CACNA2D1: variants seen among roughly 807,000 people sequenced by gnomAD.
The protein encoded by CACNA2D1 is voltage-dependent calcium channel subunit alpha-2/delta-1.
Under a neutral mutation model 171.5 loss-of-function variants are expected in CACNA2D1, and 53 were observed. The ratio of observed to expected loss-of-function variants is 0.31; its 90% CI spans 0.25 to 0.39. The LOEUF (loss-of-function observed/expected upper bound fraction) is 0.39, where lower values mean the gene tolerates loss of function less well. CACNA2D1 is among the 10% of genes least tolerant of loss of function. The pLI is 1.00. For missense variants in CACNA2D1, 903 were observed against 1,299.8 expected (o/e 0.69, Z 4.69); for synonymous variants, 442 against 443.1 (o/e 1.00, Z 0.03).
In CACNA2D1 at chr7:82,277,745, C is replaced by CTTTTT. The variant is rs1186719410; in HGVS notation, c.294+57389_294+57390insAAAAA. Among the ~76,000 whole-genome samples, 788 of 141,972 alleles carry CTTTTT rather than the reference C, an allele frequency of 5.6e-3. 37 individuals carry two copies. Among genetic ancestry groups the CTTTTT allele is most frequent in the Middle Eastern group, 0.011 (3 of 272 alleles). 93.1% of individuals were successfully genotyped at this position (141,972 alleles called of 152,430 possible). ...GCATATTTGATTTTTTAATTTTTTACTTTTATTTTTTTTTTTTTGAGATGG... is the reference window on the plus strand; with the variant it reads ...GCATATTTGATTTTTTAATTTTTTACTTTTTTTTTATTTTTTTTTTTTTGAGATGG... On this transcript the variant is annotated intron_variant, in intron 3 of 38. Coordinates refer to ENST00000356860, the MANE Select transcript of CACNA2D1 (RefSeq NM_000722.4).
intron 21 of CACNA2D1, 117 bp downstream of exon 21, chr7:81,991,068 T>C (rs1486974243): frequency 3.1e-6 from 2 of 643,572 alleles, no homozygotes; most frequent in Admixed American, 2.2e-5. Context: ...ATAAGTTTAG[T>C]ATGTTTTCAT....
intron 3 of CACNA2D1, among the ~76,000 whole-genome samples, chr7:82,296,115 G>C (rs1812251213): frequency 6.6e-6 from 1 of 151,010 alleles, no homozygotes; most frequent in Non-Finnish European, 1.5e-5. Flanking sequence ...GTTGCGGGGT[G>C]GGGGAAGGGG....
chr7:82,198,288 G>C (rs759711548), intron 3 of CACNA2D1, among the ~76,000 whole-genome samples: 37 of 152,074 alleles, frequency 2.4e-4, no homozygotes, highest in South Asian at 8.3e-4. Flanking sequence ...AGTTACTGGA[G>C]CACAAAGTAC....
rs35616922 is a variant in CACNA2D1 at position 81,980,172 on chromosome 7, C to CAAAAAAAAAA, written c.1955+2385_1955+2394dup. ...AAAAGAAGGTAAAACTAAAACCAAGCAAAAAAAAAAAAAAAAAAAAAAAAA... is the reference window on the plus strand; with the variant it reads ...AAAAGAAGGTAAAACTAAAACCAAGCAAAAAAAAAAAAAAAAAAAAAAAAAAAAAAAAAAA... On this transcript the variant is annotated intron_variant, in intron 24 of 38. Coordinates refer to ENST00000356860, the MANE Select transcript of CACNA2D1 (RefSeq NM_000722.4). 1.4e-3 allele frequency among the ~76,000 whole-genome samples: 36 copies of CAAAAAAAAAA among 25,266 alleles called. 1 individual carries two copies. Among genetic ancestry groups the CAAAAAAAAAA allele is most frequent in the African/African-American group, 2.2e-3 (14 of 6,462 alleles). The allele number at this position is 25,266 out of a possible 152,430, so 16.6% of individuals were successfully genotyped here. A position where few individuals can be genotyped will look rare whatever the true frequency, so the allele number is the denominator to read the frequency against.
intron 3 of CACNA2D1, among the ~76,000 whole-genome samples, chr7:82,217,886 T>C (rs1266645440): frequency 2.0e-5 from 3 of 148,922 alleles, no homozygotes; most frequent in Non-Finnish European, 4.4e-5. Context: ...TGGGAGGCAC[T>C]ATGTAGGGCT....
chr7:82,273,241 T>C (rs931312244), intron 3 of CACNA2D1, among the ~76,000 whole-genome samples: 16 of 151,900 alleles, frequency 1.1e-4, no homozygotes, highest in African/African-American at 3.9e-4. Context: ...AGTTTTTAAA[T>C]AATAATAATA....
At chr7:82,060,561 T>A in intron 9 of CACNA2D1, 34 bp from the exon 10 acceptor site, 1 of 1,189,332 alleles carries the variant, frequency 8.4e-7, no homozygotes, top group Non-Finnish European at 1.3e-6. Flanking sequence ...TACATGTTAC[T>A]CATCATGTAT....
intron 10 of CACNA2D1, chr7:82,050,514 T>C: frequency 2.9e-6 from 2 of 698,316 alleles, no homozygotes; most frequent in South Asian, 3.0e-5. Context: ...AAGTCCCTGA[T>C]CTTATACAGG....
rs1245415473 is a variant in CACNA2D1, at chr7:82,060,204, TATATATA to T, written c.879+217_879+223del. Among the ~76,000 whole-genome samples, 8 of 31,426 alleles carry T rather than the reference TATATATA, an allele frequency of 2.5e-4. 2 individuals carry two copies. Among genetic ancestry groups the T allele is most frequent in the South Asian group, 3.0e-3 (2 of 660 alleles). The allele number at this position is 31,426 out of a possible 152,430, so 20.6% of individuals were successfully genotyped here. A position where few individuals can be genotyped will look rare whatever the true frequency, so the allele number is the denominator to read the frequency against. ...ATATATATATATTATATATATATTA[TATATATA>T]ATATATATATAATATATATATATAA... On this transcript the variant is annotated intron_variant, in intron 10 of 38. Transcript: ENST00000356860.
chr7:81,947,945 CATATAA>C lies in CACNA2D1; in HGVS notation c.*2441_*2446del, dbSNP rs1453990169. 1 of 151,694 alleles carries C rather than the reference CATATAA, an allele frequency of 6.6e-6. No homozygotes were observed. The highest frequency in any genetic ancestry group is 1.5e-5 in the Non-Finnish European group (1 of 67,804). 9.4% of individuals were successfully genotyped at this position (151,694 alleles called of 1,614,324 possible). A position where few individuals can be genotyped will look rare whatever the true frequency, so the allele number is the denominator to read the frequency against. On this transcript the variant is annotated 3_prime_UTR_variant, in exon 39 of 39. Coordinates refer to ENST00000356860, the MANE Select transcript of CACNA2D1 (RefSeq NM_000722.4). The stretch of plus-strand genomic sequence containing the variant: ...ATAAAGGTTTATAGCAAAACTCATG[CATATAA>C]ATATATTTTGATGGCAACAGAAATT...
At chr7:82,271,171 T>C (rs573798048) in intron 3 of CACNA2D1, among the ~76,000 whole-genome samples, 1 of 152,206 alleles carries the variant, frequency 6.6e-6, no homozygotes, top group South Asian at 2.1e-4. Context: ...TCTAATTCCA[T>C]TTGCTGTTCG....
intron 6 of CACNA2D1, among the ~76,000 whole-genome samples, chr7:82,106,535 A>G (rs918255696): frequency 6.7e-6 from 1 of 148,516 alleles, no homozygotes; most frequent in East Asian, 1.9e-4. Flanking sequence ...TTTTTTTTTT[A>G]AACAGTAAAT....
chr7:82,037,724 G>A (rs974226162), intron 11 of CACNA2D1, among the ~76,000 whole-genome samples: 4 of 152,154 alleles, frequency 2.6e-5, no homozygotes, highest in African/African-American at 9.7e-5. Context: ...GATTGAAAGT[G>A]CAAGGTTACA....
intron 3 of CACNA2D1, among the ~76,000 whole-genome samples, chr7:82,302,312 G>A (rs1813113960): frequency 6.6e-6 from 1 of 151,976 alleles, no homozygotes; most frequent in Non-Finnish European, 1.5e-5. Flanking sequence ...GAGAGAACAA[G>A]TACATCCAAA....
Position 82,170,585 on chromosome 7 carries a change from C to A in CACNA2D1, c.319G>T (p.Val107Phe), listed in dbSNP as rs749556869. The A allele has an allele frequency of 6.2e-7, 1 of 1,612,594 alleles. No homozygotes were observed. Among genetic ancestry groups the A allele is most frequent in the African/African-American group, 1.3e-5 (1 of 74,934 alleles). Reference sequence around the variant, plus strand: ...TCTCTCCACTGGTGAGCTGCTTGAACTTTCTCCGCTTCCAATGCCAGGCGC... The same window carrying A: ...TCTCTCCACTGGTGAGCTGCTTGAAATTTCTCCGCTTCCAATGCCAGGCGC... ...LVRLALEAEK[V>F]QAAHQWREDF... Residue 107 changes from valine to phenylalanine, a missense_variant, in exon 4 of 39, where the codon GTT (valine) becomes TTT (phenylalanine). By Grantham distance (50) the Val-to-Phe change is conservative. Coordinates refer to ENST00000356860, the MANE Select transcript of CACNA2D1 (RefSeq NM_000722.4).
chr7:82,124,071 A>G (rs1584832220), intron 5 of CACNA2D1, among the ~76,000 whole-genome samples: 1 of 152,300 alleles, frequency 6.6e-6, no homozygotes, highest in Non-Finnish European at 1.5e-5. Context: ...AGCAATTAAT[A>G]TTCTACCTGT....
At chr7:82,386,927 A>C (rs1325974840) in intron 1 of CACNA2D1, among the ~76,000 whole-genome samples, 5 of 151,990 alleles carry the variant, frequency 3.3e-5, no homozygotes, top group African/African-American at 1.2e-4. Flanking sequence ...AGCTTTTAAC[A>C]ATCAAGTAAA....
At chr7:82,403,003 A>G (rs1428173547) in intron 1 of CACNA2D1, among the ~76,000 whole-genome samples, 1 of 152,184 alleles carries the variant, frequency 6.6e-6, no homozygotes, top group Non-Finnish European at 1.5e-5. Context: ...GTAGGATAAG[A>G]AAAACCTGGT....
At chr7:82,000,177 T>C (rs1239427700) in intron 18 of CACNA2D1, among the ~76,000 whole-genome samples, 1 of 152,092 alleles carries the variant, frequency 6.6e-6, no homozygotes, top group African/African-American at 2.4e-5. Flanking sequence ...GAGAATCATA[T>C]GAACCCAGGA....
Sources: allele counts gnomAD v4.1 joint callset (sites outside exome capture counted in the v4.1 genomes callset), GRCh38; gene constraint gnomAD v4.1.1; transcripts MANE v1.5; gene names NCBI Gene and HGNC (gene_info 2026-07-23, HGNC 2026-07-21).